The following PLXNA4 variants were observed in gnomAD, a reference collection of about 807,000 sequenced individuals.
PLXNA4 encodes the protein plexin A4.
In PLXNA4, 44 loss-of-function variants were observed where a neutral mutation model predicts 191.8. The ratio of observed to expected loss-of-function variants is 0.23; its 90% confidence interval spans 0.18 to 0.29. The LOEUF is 0.29. Ranked by LOEUF, PLXNA4 falls within the 10% of genes least tolerant of loss-of-function variation. The probability of loss-of-function intolerance (pLI) is 1.00; values close to 1 mark genes in which losing one functional copy is unlikely to be tolerated. For synonymous variants in PLXNA4, 1,082 were observed against 1,009.5 expected (o/e 1.07, Z -1.36); for missense variants, 1,800 against 2,488.8 (o/e 0.72, Z 5.89).
At chr7:132,388,659 C>A (rs908595019) in intron 3 of PLXNA4, among the ~76,000 whole-genome samples, 2 of 152,072 alleles carry the variant, frequency 1.3e-5, no homozygotes, top group Non-Finnish European at 2.9e-5. Flanking sequence ...AGAGTTTCAC[C>A]CAATTACTTC....
intron 4 of PLXNA4, among the ~76,000 whole-genome samples, chr7:132,261,404 A>G (rs992338979): frequency 6.6e-6 from 1 of 152,224 alleles, no homozygotes; most frequent in Admixed American, 6.5e-5. Context: ...GTGTGTGCAC[A>G]TGTGGGAGTG....
In PLXNA4 at chr7:132,126,387, A is replaced by C. The variant is rs1794769251; in HGVS notation, c.*4092T>G. 6.6e-6 allele frequency: 1 copy of C among 152,552 alleles called. No homozygotes were observed. The highest frequency in any genetic ancestry group is 1.5e-5 in the Non-Finnish European group (1 of 68,316). 9.4% of individuals were successfully genotyped at this position (152,552 alleles called of 1,614,324 possible). A position where few individuals can be genotyped will look rare whatever the true frequency, so the allele number is the denominator to read the frequency against. Reference sequence around the variant, plus strand: ...CTGAGCAGCTCCTGTACTCAAGTGGATAAATCGCCCTGGGACAGAGGCTAT... The same window carrying C: ...CTGAGCAGCTCCTGTACTCAAGTGGCTAAATCGCCCTGGGACAGAGGCTAT... On this transcript the variant is annotated 3_prime_UTR_variant, in exon 32 of 32. Coordinates refer to ENST00000321063, the MANE Select transcript of PLXNA4 (RefSeq NM_020911.2).
Position 132,507,659 on chromosome 7 carries a change from C to T in PLXNA4, c.1035G>A (p.Arg345=), listed in dbSNP as rs753376333. Residue 345 remains arginine (R), a synonymous_variant, in exon 2 of 32, where the codon CGG becomes CGA. Transcript: ENST00000321063. ...LFTVFSKGQK[R]KMKSLDESAL... is the part of the protein sequence containing the mutation. The stretch of plus-strand genomic sequence containing the variant: ...CCGACTCATCCAGGGATTTCATTTT[C>T]CGCTTCTGGCCCTTGGAGAAGACGG... 12 of 1,614,108 alleles carry T rather than the reference C, an allele frequency of 7.4e-6. 1 individual carries two copies. In the South Asian group the frequency reaches 1.3e-4, roughly 18 times the overall value.
intron 3 of PLXNA4, among the ~76,000 whole-genome samples, chr7:132,364,371 G>A (rs901046319): frequency 2.3e-4 from 35 of 152,182 alleles, no homozygotes; most frequent in African/African-American, 7.2e-4. Flanking sequence ...GGCAGCTGGC[G>A]AGATCAGAGC....
intron 1 of PLXNA4, among the ~76,000 whole-genome samples, chr7:132,556,196 C>T (rs141464520): frequency 1.9e-3 from 297 of 152,374 alleles, no homozygotes; most frequent in African/African-American, 6.6e-3. Flanking sequence ...CTTCCTGACA[C>T]TTGCAGAAAG....
chr7:132,430,802 G>T lies in PLXNA4; in HGVS notation c.1371+58490C>A, dbSNP rs145606697. Among the ~76,000 whole-genome samples, 1,468 of 152,328 alleles carry T rather than the reference G, an allele frequency of 9.6e-3. 16 individuals carry two copies. Among genetic ancestry groups the T allele is most frequent in the Middle Eastern group, 0.037 (11 of 294 alleles). ...TGAGCAAAGATGGTTGGGTGGCAAT[G>T]AGATTAGGAAAGTGAACATGGTGGC... On this transcript the variant is annotated intron_variant, in intron 3 of 31. Coordinates refer to ENST00000321063, the MANE Select transcript of PLXNA4 (RefSeq NM_020911.2).
At chr7:132,563,829 TCTC>T (rs1169539605) in intron 1 of PLXNA4, among the ~76,000 whole-genome samples, 2 of 23,974 alleles carry the variant, frequency 8.3e-5, no homozygotes. Context: ...TCCTCCTCCT[TCTC>T]CTCCTCCTCC....
chr7:132,163,068 C>T (rs1795997920), intron 24 of PLXNA4, among the ~76,000 whole-genome samples: 1 of 152,222 alleles, frequency 6.6e-6, no homozygotes, highest in Non-Finnish European at 1.5e-5. Context: ...CCTTCTGTCT[C>T]TCTTGCCTCC....
chr7:132,579,436 T>C (rs557785433), upstream of PLXNA4, among the ~76,000 whole-genome samples: 12 of 150,726 alleles, frequency 8.0e-5, no homozygotes, highest in South Asian at 2.1e-4. Context: ...TGTGTGTGTG[T>C]GCGTGTGTGT....
intron 21 of PLXNA4, among the ~76,000 whole-genome samples, chr7:132,172,781 T>TAAA (rs869164288): frequency 6.7e-6 from 1 of 150,052 alleles, no homozygotes; most frequent in African/African-American, 2.5e-5. Context: ...ATAATAATAA[T>TAAA]AAAGTTACAT....
chr7:132,514,312 A>G (rs546256262), intron 1 of PLXNA4, among the ~76,000 whole-genome samples: 14 of 152,170 alleles, frequency 9.2e-5, no homozygotes, highest in African/African-American at 2.9e-4. Context: ...CGGCCTCCCA[A>G]AGTGCTGGGA....
chr7:132,310,938 A>G (rs781315433), intron 3 of PLXNA4, among the ~76,000 whole-genome samples: 2 of 152,212 alleles, frequency 1.3e-5, no homozygotes, highest in Non-Finnish European at 2.9e-5. Context: ...TGCAACTTCA[A>G]CAAGGCTGGG....
rs761738776 is a variant in PLXNA4 at position 132,230,379 on chromosome 7, C to A, written c.1605-1910G>T. Among the ~76,000 whole-genome samples, 29 of 152,178 alleles carry A rather than the reference C, an allele frequency of 1.9e-4. 1 individual carries two copies. The highest frequency in any genetic ancestry group is 3.3e-4 in the Admixed American group (5 of 15,274). On this transcript the variant is annotated intron_variant, in intron 5 of 31. Transcript: ENST00000321063. ...TCCTTAGGGCAATTCAAACATTTTC[C>A]CCTCAATCTTTCTGTCTAGGCTAAT...
intron 3 of PLXNA4, among the ~76,000 whole-genome samples, chr7:132,368,723 C>A (rs566474832): frequency 6.6e-6 from 1 of 152,204 alleles, no homozygotes; most frequent in Non-Finnish European, 1.5e-5. Context: ...CTGAGAAGAA[C>A]TGACAAGCAG....
chr7:132,358,929 C>A (rs1006508163), intron 3 of PLXNA4, among the ~76,000 whole-genome samples: 3 of 152,090 alleles, frequency 2.0e-5, no homozygotes, highest in Non-Finnish European at 2.9e-5. Flanking sequence ...ATAAGGGGCA[C>A]TTGATTTTAT....
intron 25 of PLXNA4, among the ~76,000 whole-genome samples, chr7:132,156,870 T>C (rs1363574436): frequency 6.6e-6 from 1 of 152,194 alleles, no homozygotes; most frequent in African/African-American, 2.4e-5. Context: ...CTAGCTTTGG[T>C]AAGAAGAAGC....
At chr7:132,210,522 G>A (rs1562923123) in intron 10 of PLXNA4, among the ~76,000 whole-genome samples, 1 of 152,202 alleles carries the variant, frequency 6.6e-6, no homozygotes, top group Non-Finnish European at 1.5e-5. Context: ...CCTCTATGTA[G>A]GTGTGAAGGT....
At chr7:132,377,758 T>A (rs544752154) in intron 3 of PLXNA4, among the ~76,000 whole-genome samples, 48 of 152,096 alleles carry the variant, frequency 3.2e-4, no homozygotes, top group Admixed American at 3.9e-4. Flanking sequence ...CCAGAAGATA[T>A]CTGTGAGCAG....
At chr7:132,586,141 T>C (rs1278498188) in intron 2 of PLXNA4, among the ~76,000 whole-genome samples, 3 of 152,228 alleles carry the variant, frequency 2.0e-5, no homozygotes, top group South Asian at 2.1e-4. Context: ...TGTTCATTAA[T>C]GCATCAAAGA....
Sources: gnomAD v4.1 joint callset for allele counts (sites outside exome capture counted in the v4.1 genomes callset) on GRCh38, gnomAD v4.1.1 for gene constraint, MANE v1.5 for transcripts, NCBI Gene and HGNC (gene_info 2026-07-23, HGNC 2026-07-21) for gene names.